The following WNK3 variants were observed in gnomAD, a reference collection of about 807,000 sequenced individuals.
The protein encoded by WNK3 is WNK lysine deficient protein kinase 3.
In WNK3, 18 loss-of-function variants were observed where a neutral mutation model predicts 116.7. That is an observed-to-expected ratio of 0.15 (90% CI 0.11 to 0.23). The LOEUF (loss-of-function observed/expected upper bound fraction) is 0.23, where lower values mean the gene tolerates loss of function less well. WNK3 is among the 10% of genes least tolerant of loss of function. The pLI is 1.00. For missense variants in WNK3, 993 were observed against 1,323.8 expected (o/e 0.75, Z 3.88); for synonymous variants, 404 against 469.4 (o/e 0.86, Z 1.80).
At chrX:54,239,217 AAC>A (rs2067997551) in intron 17 of WNK3, 118 bp from the exon 18 acceptor site, 15 of 532,851 alleles carry the variant, frequency 2.8e-5, no homozygotes, top group Non-Finnish European at 3.8e-5. Flanking sequence ...AAAAAAAAAA[AAC>A]GGAATTTCTT....
chrX:54,337,836 G>A (rs2069263339), intron 1 of WNK3, among the ~76,000 whole-genome samples: 1 of 111,016 alleles, frequency 9.0e-6, no homozygotes, highest in Admixed American at 9.7e-5. Flanking sequence ...GGAGGCCAAG[G>A]AGGGAGGATT....
chrX:54,349,836 T>TGG (rs2069489887), intron 1 of WNK3, among the ~76,000 whole-genome samples: 1 of 111,471 alleles, frequency 9.0e-6, no homozygotes, highest in South Asian at 3.8e-4. Context: ...ACTATGACCA[T>TGG]GCCACTGCAC....
At chrX:54,345,701 G>A (rs1399962187) in intron 1 of WNK3, among the ~76,000 whole-genome samples, 1 of 107,880 alleles carries the variant, frequency 9.3e-6, no homozygotes, top group African/African-American at 3.4e-5. Context: ...CACGAGAATC[G>A]CTTGAGGCCA....
intron 6 of WNK3, among the ~76,000 whole-genome samples, chrX:54,299,791 T>C (rs1232877450): frequency 9.0e-6 from 1 of 111,284 alleles, no homozygotes; most frequent in African/African-American, 3.3e-5. Context: ...GTATTATTTA[T>C]AGTGAATTTT....
At chrX:54,232,872 T>C in exon 21 of WNK3, 1 of 1,211,808 alleles carries the variant, frequency 8.3e-7, no homozygotes, top group Non-Finnish European at 1.1e-6. Context: ...AGTTTGCTTT[T>C]GAAAGATCTT....
At chrX:54,316,713 T>C (rs1180802096) in intron 2 of WNK3, among the ~76,000 whole-genome samples, 2 of 110,091 alleles carry the variant, frequency 1.8e-5, no homozygotes, top group Non-Finnish European at 3.8e-5. Flanking sequence ...GTCAGGGCAA[T>C]GCAAATCAAA....
chrX:54,259,477 G>C (rs1557156275), intron 10 of WNK3, 139 bp from the exon 11 acceptor site: 1 of 315,694 alleles, frequency 3.2e-6, no homozygotes, highest in East Asian at 4.7e-5. Context: ...TTGAATGTCT[G>C]TATCAATCCT....
chrX:54,245,145 CGTGTGTGTGTGTGTGTGTGTGTGTGT>C (rs782272022), intron 17 of WNK3, among the ~76,000 whole-genome samples: 1 of 84,673 alleles, frequency 1.2e-5, no homozygotes, highest in Admixed American at 1.3e-4. Context: ...CATATATATG[CGTGTGTGTGTGTGTGTGTGTGTGTGT>C]GTGTGTGTGT....
At chrX:54,318,595 G>A (rs1290848679) in intron 2 of WNK3, among the ~76,000 whole-genome samples, 3 of 108,646 alleles carry the variant, frequency 2.8e-5, no homozygotes, top group Non-Finnish European at 3.8e-5. Flanking sequence ...TAGCTACTTG[G>A]GAGGCTGAGG....
intron 22 of WNK3, among the ~76,000 whole-genome samples, chrX:54,207,675 G>A (rs782395717): frequency 2.8e-5 from 3 of 108,477 alleles, no homozygotes; most frequent in Non-Finnish European, 3.8e-5. Context: ...CACCACACCC[G>A]GCTATCCTTT....
Position 54,238,856 on chromosome X carries a change from T to C in WNK3, c.3883+12A>G, listed in dbSNP as rs2067991412. 8.9e-7 allele frequency: 1 copy of C among 1,126,543 alleles called. No individual in the cohort carries two copies. Among genetic ancestry groups the C allele is most frequent in the Non-Finnish European group, 1.2e-6 (1 of 848,066 alleles). 92.8% of individuals were successfully genotyped at this position (1,126,543 alleles called of 1,213,427 possible). A position where few individuals can be genotyped will look rare whatever the true frequency, so the allele number is the denominator to read the frequency against. On this transcript the variant is annotated intron_variant, in intron 18 of 23. Transcript: ENST00000354646. Reference sequence around the variant, plus strand: ...GTTACCTAGTCTATGTCCCTGACTGTAAGCACACTACCTTGACGGACTTTT... The same window carrying C: ...GTTACCTAGTCTATGTCCCTGACTGCAAGCACACTACCTTGACGGACTTTT...
At chrX:54,302,451 A>C (rs1557167644) in intron 5 of WNK3, among the ~76,000 whole-genome samples, 2 of 109,218 alleles carry the variant, frequency 1.8e-5, no homozygotes, top group Admixed American at 1.0e-4. Context: ...GGCGCACGCC[A>C]CCAAGCCCGG....
intron 22 of WNK3, among the ~76,000 whole-genome samples, chrX:54,227,876 CTTATT>C (rs1452436787): frequency 9.8e-5 from 11 of 112,010 alleles, no homozygotes; most frequent in Non-Finnish European, 1.9e-4. Context: ...GTAGGCAAAT[CTTATT>C]TTATTTTATT....
chrX:54,238,321 G>A (rs1557150689), intron 19 of WNK3, 21 bp downstream of exon 19: 2 of 1,201,285 alleles, frequency 1.7e-6, no homozygotes, highest in Admixed American at 4.5e-5. Context: ...TGTAGATAAG[G>A]ATTCAATCAA....
At chrX:54,305,705 C>T (rs1382774636) in intron 5 of WNK3, among the ~76,000 whole-genome samples, 2 of 110,266 alleles carry the variant, frequency 1.8e-5, no homozygotes, top group Non-Finnish European at 3.8e-5. Context: ...ACCTCTGATT[C>T]TCAGTTTCAT....
intron 22 of WNK3, among the ~76,000 whole-genome samples, chrX:54,208,811 G>C (rs1328010773): frequency 1.8e-5 from 2 of 111,866 alleles, no homozygotes; most frequent in Non-Finnish European, 3.8e-5. Flanking sequence ...TACACATTAC[G>C]GTCAGCAAAG....
intron 22 of WNK3, among the ~76,000 whole-genome samples, chrX:54,205,956 T>C (rs1382215907): frequency 2.7e-5 from 3 of 111,911 alleles, no homozygotes; most frequent in African/African-American, 9.7e-5. Flanking sequence ...TTTTTGTTCT[T>C]TCCTCCAAGG....
intron 2 of WNK3, among the ~76,000 whole-genome samples, chrX:54,313,170 ATT>A (rs782749584): frequency 8.1e-5 from 9 of 110,941 alleles, no homozygotes; most frequent in Non-Finnish European, 1.7e-4. Context: ...TCTTTTGGTT[ATT>A]TATTTCATTA....
At chrX:54,276,627 G>C in intron 10 of WNK3, among the ~76,000 whole-genome samples, 2 of 110,126 alleles carry the variant, frequency 1.8e-5, no homozygotes, top group Non-Finnish European at 3.8e-5. Flanking sequence ...TGAAATCCAT[G>C]TCATCCACTA....
Sources: allele counts gnomAD v4.1 joint callset (sites outside exome capture counted in the v4.1 genomes callset), GRCh38; gene constraint gnomAD v4.1.1; transcripts MANE v1.5; gene names NCBI Gene and HGNC (gene_info 2026-07-23, HGNC 2026-07-21).